NCF2: variants seen among roughly 807,000 people sequenced by gnomAD.
NCF2 encodes the protein neutrophil cytosolic factor 2, also known as neutrophil cytosol factor 2.
Under a neutral mutation model 70.9 loss-of-function variants are expected in NCF2, and 45 were observed. The ratio of observed to expected loss-of-function variants is 0.63; its 90% CI spans 0.50 to 0.81. The LOEUF (loss-of-function observed/expected upper bound fraction) is 0.81, where lower values mean the gene tolerates loss of function less well. Ranked by LOEUF, NCF2 falls within the 40% of genes least tolerant of loss-of-function variation. The pLI, the probability that NCF2 is intolerant of heterozygous loss-of-function variation, is 0.00. For missense variants in NCF2, 522 were observed against 631.6 expected, an observed-to-expected ratio of 0.83 and a Z score of 1.86; for synonymous variants, 203 against 233.6, an observed-to-expected ratio of 0.87 and a Z score of 1.19.
chr1:183,599,410 CTT>C, the NCF2 span, among the ~76,000 whole-genome samples: 1 of 146,484 alleles, frequency 6.8e-6, no homozygotes, highest in Middle Eastern at 3.2e-3. Context: ...CTTTTTCTTT[CTT>C]TCTTTCTTTC....
At position 183,571,791 on chromosome 1, in the gene NCF2, C is replaced by A. The variant is rs562577227; in HGVS notation, c.610-952G>T. 7.9e-5 allele frequency among the ~76,000 whole-genome samples: 12 copies of A among 152,348 alleles called. No individual in the cohort carries two copies. In the South Asian group the frequency reaches 2.5e-3, roughly 32 times the overall value. Reference sequence around the variant, plus strand: ...AGTGGAGATCAAGCAGACATGGTCTCTGCTCTCTCAGTGCTTAGAGGCTGC... The same window carrying A: ...AGTGGAGATCAAGCAGACATGGTCTATGCTCTCTCAGTGCTTAGAGGCTGC... On this transcript the variant is annotated intron_variant, in intron 5 of 14. Coordinates refer to ENST00000367535, the MANE Select transcript of NCF2 (RefSeq NM_000433.4).
chr1:183,569,374 C>T, intron 6 of NCF2, 189 bp from the exon 7 acceptor site: 1 of 642,228 alleles, frequency 1.6e-6, no homozygotes, highest in Non-Finnish European at 2.8e-6. Context: ...GAAATAACAC[C>T]TCCCACCAGC....
the NCF2 span, chr1:183,598,297 C>T: frequency 6.6e-6 from 1 of 152,108 alleles, no homozygotes; most frequent in African/African-American, 2.4e-5. Flanking sequence ...TTGACTAATA[C>T]AAAGTGAAAA....
At chr1:183,587,413 G>A (rs893879869) in intron 1 of NCF2, among the ~76,000 whole-genome samples, 3 of 151,972 alleles carry the variant, frequency 2.0e-5, no homozygotes, top group African/African-American at 7.3e-5. Flanking sequence ...GGGCAAAATA[G>A]TGAGACTCCA....
intron 2 of NCF2, among the ~76,000 whole-genome samples, chr1:183,582,005 G>A (rs1036203410): frequency 6.6e-6 from 1 of 152,180 alleles, no homozygotes; most frequent in African/African-American, 2.4e-5. Flanking sequence ...TGAAAGCACC[G>A]GCCTGCTTCC....
At chr1:183,571,114 CTT>C (rs66625837) in intron 5 of NCF2, among the ~76,000 whole-genome samples, 5 of 106,786 alleles carry the variant, frequency 4.7e-5, no homozygotes, top group Admixed American at 1.2e-4. Context: ...ATCAAATTAT[CTT>C]TTTTTTTTTT....
intron 6 of NCF2, among the ~76,000 whole-genome samples, chr1:183,570,451 C>T (rs189075586): frequency 4.6e-5 from 7 of 152,380 alleles, no homozygotes; most frequent in Admixed American, 3.3e-4. Context: ...ATAAGCCTTC[C>T]ATAGCTTGTG....
intron 6 of NCF2, among the ~76,000 whole-genome samples, chr1:183,569,916 G>T (rs1479265930): frequency 6.6e-6 from 1 of 152,172 alleles, no homozygotes; most frequent in Admixed American, 6.5e-5. Context: ...AATTGACACA[G>T]GATCCACTGA....
chr1:183,598,393 T>A, the NCF2 span: 4 of 151,870 alleles, frequency 2.6e-5, no homozygotes, highest in African/African-American at 9.7e-5. Flanking sequence ...CATAACCATG[T>A]GTTACTCAGG....
the NCF2 span, among the ~76,000 whole-genome samples, chr1:183,599,861 C>CT: frequency 6.6e-6 from 1 of 151,968 alleles, no homozygotes; most frequent in African/African-American, 2.4e-5. Flanking sequence ...CCCTCTTTTT[C>CT]TTTTTTTGAG....
At position 183,589,741 on chromosome 1, in the gene NCF2, C is replaced by T. The variant is rs191488901; in HGVS notation, c.174+415G>A. On this transcript the variant is annotated intron_variant, in intron 1 of 14. Coordinates refer to ENST00000367535, the MANE Select transcript of NCF2 (RefSeq NM_000433.4). ...CTTAAATCTCTTGAGCAGGCAAAGT[C>T]GACACACATGAAAGTCTTGGAAAGC... 1.3e-3 allele frequency among the ~76,000 whole-genome samples: 190 copies of T among 151,574 alleles called. 1 individual carries two copies. Among genetic ancestry groups the T allele is most frequent in the African/African-American group, 4.2e-3 (172 of 40,898 alleles).
At chr1:183,601,618 G>A in the NCF2 span, among the ~76,000 whole-genome samples, 3 of 152,150 alleles carry the variant, frequency 2.0e-5, no homozygotes, top group Non-Finnish European at 4.4e-5. Flanking sequence ...AGCACTTTGG[G>A]AGGTTGAGGC....
At chr1:183,599,471 TTTCTTTCTTTCTC>T in the NCF2 span, among the ~76,000 whole-genome samples, 232 of 142,570 alleles carry the variant, frequency 1.6e-3, 3 homozygotes, top group South Asian at 2.4e-3. Context: ...TCTTTCTTTC[TTTCTTTCTTTCTC>T]TTTTCTTTCT....
intron 14 of NCF2, 23 bp downstream of exon 14, chr1:183,560,073 T>C (rs1187392227): frequency 1.9e-6 from 3 of 1,611,296 alleles, no homozygotes; most frequent in Non-Finnish European, 2.5e-6. Flanking sequence ...AATTTGTTTC[T>C]ATAGTCTTGG....
upstream of NCF2, chr1:183,590,538 C>T (rs1451917618): frequency 1.5e-6 from 1 of 653,758 alleles, no homozygotes; most frequent in African/African-American, 1.8e-5. Flanking sequence ...GCAACTGACT[C>T]ATAACCCTAC....
chr1:183,588,116 C>A (rs562771064), intron 1 of NCF2, among the ~76,000 whole-genome samples: 21 of 152,182 alleles, frequency 1.4e-4, no homozygotes, highest in Non-Finnish European at 2.8e-4. Context: ...GAGTAGAGTA[C>A]AATTTTACTG....
At chr1:183,559,988 A>G in intron 14 of NCF2, 108 bp downstream of exon 14, 1 of 1,273,948 alleles carries the variant, frequency 7.8e-7, no homozygotes, top group Non-Finnish European at 1.1e-6. Flanking sequence ...GGTTGAAAAC[A>G]CTGGCTAAAG....
rs375036440 is a variant in NCF2, at chr1:183,574,466, C to G, written c.501+21G>C. ...GAATCCAGTGACATCCTCTCAACAC[C>G]TGCATCACCAATACGCTTACCCAGA... On this transcript the variant is annotated intron_variant, in intron 4 of 14. Coordinates refer to ENST00000367535, the MANE Select transcript of NCF2 (RefSeq NM_000433.4). 3.0e-5 allele frequency: 48 copies of G among 1,614,096 alleles called. 1 individual carries two copies. Among genetic ancestry groups the G allele is most frequent in the Non-Finnish European group, 3.5e-5 (41 of 1,180,042 alleles).
intron 3 of NCF2, among the ~76,000 whole-genome samples, chr1:183,575,275 G>T (rs146871378): frequency 3.3e-4 from 50 of 152,360 alleles, no homozygotes; most frequent in East Asian, 2.1e-3. Flanking sequence ...TTTGAGATCA[G>T]CCTGGCCAAC....
Sources: allele counts gnomAD v4.1 joint callset (sites outside exome capture counted in the v4.1 genomes callset), GRCh38; gene constraint gnomAD v4.1.1; transcripts MANE v1.5; gene names NCBI Gene and HGNC (gene_info 2026-07-23, HGNC 2026-07-21).